Variants in TWF2 observed in about 807,000 individuals in gnomAD.
The protein encoded by TWF2 is twinfilin actin binding protein 2.
A neutral mutation model predicts 45.1 loss-of-function variants in TWF2; 15 were observed. That is an observed-to-expected ratio of 0.33 (90% CI 0.22 to 0.51). TWF2 has a LOEUF of 0.51. Among genes scored for constraint, TWF2 ranks in the 20% least tolerant of loss-of-function variants. TWF2 has a pLI of 0.97. For missense variants in TWF2, 423 were observed against 469.1 expected, an observed-to-expected ratio of 0.90 and a Z score of 0.91; for synonymous variants, 177 against 195.8, an observed-to-expected ratio of 0.90 and a Z score of 0.80.
chr3:52,233,807 G>A (rs1450561830), intron 2 of TWF2, among the ~76,000 whole-genome samples: 1 of 151,820 alleles, frequency 6.6e-6, no homozygotes, highest in African/African-American at 2.4e-5. Flanking sequence ...CCAGCTACTC[G>A]GGAGGCTGAG....
chr3:52,236,260 C>G (rs1699724676), intron 1 of TWF2, among the ~76,000 whole-genome samples: 1 of 149,906 alleles, frequency 6.7e-6, no homozygotes, highest in African/African-American at 2.5e-5. Flanking sequence ...GAGATCACAC[C>G]ATTGCACTCC....
In TWF2 at chr3:52,228,893, C is replaced by T. The variant is rs1323774413; in HGVS notation, c.*141G>A. 12 of 1,301,244 alleles carry T rather than the reference C, an allele frequency of 9.2e-6. No individual in the cohort carries two copies. The highest frequency in any genetic ancestry group is 2.8e-4 in the Middle Eastern group (1 of 3,602). 80.6% of individuals were successfully genotyped at this position (1,301,244 alleles called of 1,614,324 possible). A position where few individuals can be genotyped will look rare whatever the true frequency, so the allele number is the denominator to read the frequency against. ...CACAAAATGCCAGCCCGGTGGCCCT[C>T]GGACGCTGCAAGTGCGTTCAGCTGC... On this transcript the variant is annotated 3_prime_UTR_variant, in exon 9 of 9. Transcript: ENST00000305533.
At chr3:52,230,784 T>G (rs1577984954) in intron 6 of TWF2, 86 bp downstream of exon 6, 1 of 1,505,392 alleles carries the variant, frequency 6.6e-7, no homozygotes, top group Non-Finnish European at 8.9e-7. Flanking sequence ...GCTGGTGGAG[T>G]GGGGACTCCA....
At chr3:52,237,776 G>T (rs777014857) in intron 1 of TWF2, among the ~76,000 whole-genome samples, 2 of 152,178 alleles carry the variant, frequency 1.3e-5, no homozygotes, top group Non-Finnish European at 2.9e-5. Flanking sequence ...CCCTGCCTTC[G>T]CGGGGCCAGG....
Position 52,228,732 on chromosome 3 carries a change from TG to T in TWF2, c.*301del, listed in dbSNP as rs1699648842. 4.6e-6 allele frequency: 2 copies of T among 434,196 alleles called. No individual in the cohort carries two copies. The highest frequency in any genetic ancestry group is 6.0e-5 in the South Asian group (2 of 33,374). 26.9% of individuals were successfully genotyped at this position (434,196 alleles called of 1,614,324 possible). On this transcript the variant is annotated 3_prime_UTR_variant, in exon 9 of 9. Transcript: ENST00000305533. Reference sequence around the variant, plus strand: ...GTGGCCAAAGGTTTCTGGGCTGTGCTGGGACCCTAGTCTCAGCTCCCCGGGA... The same window carrying T: ...GTGGCCAAAGGTTTCTGGGCTGTGCTGGACCCTAGTCTCAGCTCCCCGGGA...
intron 2 of TWF2, among the ~76,000 whole-genome samples, chr3:52,234,456 C>G (rs1159382375): frequency 1.3e-5 from 2 of 152,210 alleles, no homozygotes; most frequent in Non-Finnish European, 2.9e-5. Context: ...GTCCCCAGCA[C>G]TGCCCTCTAT....
At chr3:52,237,920 C>T (rs1042369475) in intron 1 of TWF2, among the ~76,000 whole-genome samples, 2 of 152,340 alleles carry the variant, frequency 1.3e-5, no homozygotes, top group East Asian at 1.9e-4. Context: ...TGGCCAAACC[C>T]GCCAGGCTGT....
chr3:52,229,243 C>A, intron 8 of TWF2, 42 bp from the exon 9 acceptor site: 1 of 1,598,854 alleles, frequency 6.3e-7, no homozygotes. Flanking sequence ...GGGAGGGGCT[C>A]TGACACACAC....
At chr3:52,233,593 G>T (rs1294544303) in intron 2 of TWF2, among the ~76,000 whole-genome samples, 1 of 152,162 alleles carries the variant, frequency 6.6e-6, no homozygotes, top group Admixed American at 6.6e-5. Context: ...CTGTCATGCA[G>T]AACTGAGATA....
chr3:52,232,732 C>A (rs1699690901), intron 2 of TWF2, among the ~76,000 whole-genome samples: 1 of 152,218 alleles, frequency 6.6e-6, no homozygotes, highest in Non-Finnish European at 1.5e-5. Context: ...TGTCACAGAT[C>A]CTTGCCGGGC....
intron 4 of TWF2, 40 bp from the exon 5 acceptor site, chr3:52,231,271 C>T: frequency 1.2e-6 from 2 of 1,610,380 alleles, no homozygotes; most frequent in Non-Finnish European, 1.7e-6. Context: ...TAAATGGGCA[C>T]CTGGGGATTG....
intron 2 of TWF2, chr3:52,232,357 CA>C: frequency 1.7e-6 from 1 of 572,354 alleles, no homozygotes; most frequent in Non-Finnish European, 3.1e-6. Context: ...CGCGTGCACA[CA>C]CCCCCCCACA....
At chr3:52,231,776 G>T (rs907367384) in intron 3 of TWF2, among the ~76,000 whole-genome samples, 168 bp downstream of exon 3, 5 of 152,190 alleles carry the variant, frequency 3.3e-5, no homozygotes, top group Non-Finnish European at 5.9e-5. Context: ...CCAGGCTGCG[G>T]GCACAGGGAC....
intron 2 of TWF2, among the ~76,000 whole-genome samples, chr3:52,232,755 G>A (rs1325730331): frequency 6.6e-6 from 1 of 152,218 alleles, no homozygotes; most frequent in Non-Finnish European, 1.5e-5. Flanking sequence ...GGTGGCTCAC[G>A]CCTATAATCC....
intron 1 of TWF2, 85 bp from the exon 2 acceptor site, chr3:52,235,191 G>T: frequency 7.1e-7 from 1 of 1,412,754 alleles, no homozygotes; most frequent in Non-Finnish European, 9.9e-7. Flanking sequence ...CACAGGGTCT[G>T]GTGGCTGAGC....
intron 2 of TWF2, among the ~76,000 whole-genome samples, chr3:52,233,339 A>G (rs2107303309): frequency 6.6e-6 from 1 of 152,368 alleles, no homozygotes; most frequent in Non-Finnish European, 1.5e-5. Context: ...GAACTCAGAC[A>G]GGATCACAGT....
Position 52,228,813 on chromosome 3 carries a change from T to C in TWF2, c.*221A>G, listed in dbSNP as rs998037893. ...GCCCCCTTAAGCCAGCCAGGCAGGG[T>C]CCCCGGACACCCTGGGCACACAGAC... On this transcript the variant is annotated 3_prime_UTR_variant, in exon 9 of 9. Transcript: ENST00000305533. 1 of 686,158 alleles carries C rather than the reference T, an allele frequency of 1.5e-6. No homozygotes were observed. The highest frequency in any genetic ancestry group is 2.3e-6 in the Non-Finnish European group (1 of 430,306). The allele number at this position is 686,158 out of a possible 1,614,324, so 42.5% of individuals were successfully genotyped here. A position where few individuals can be genotyped will look rare whatever the true frequency, so the allele number is the denominator to read the frequency against.
chr3:52,233,928 A>G (rs1397095178), intron 2 of TWF2, among the ~76,000 whole-genome samples: 1 of 151,562 alleles, frequency 6.6e-6, no homozygotes, highest in East Asian at 1.9e-4. Flanking sequence ...AAAAAAAAAA[A>G]AAAAAAAATC....
At position 52,230,068 on chromosome 3, in the gene TWF2, C is replaced by G. The variant is rs370171952; in HGVS notation, c.612G>C (p.Lys204Asn). ...CAATGGTTTCCCGCTCTAGGTCCAG[C>G]TTCTGCCCAGGGCCAAGGGAAGATG... ...KQKMVNYIQM[K>N]LDLERETIEL... Residue 204 changes from lysine (K) to asparagine (N), a missense_variant and splice_region_variant, in exon 7 of 9, where the codon AAG becomes AAC. Transcript: ENST00000305533. 6.3e-7 allele frequency: 1 copy of G among 1,585,358 alleles called. No individual in the cohort carries two copies. The highest frequency in any genetic ancestry group is 8.6e-7 in the Non-Finnish European group (1 of 1,167,694).
Sources: allele counts gnomAD v4.1 joint callset (sites outside exome capture counted in the v4.1 genomes callset), GRCh38; gene constraint gnomAD v4.1.1; transcripts MANE v1.5; gene names NCBI Gene and HGNC (gene_info 2026-07-23, HGNC 2026-07-21).